Variants in ASB5 observed in about 807,000 individuals in gnomAD.
ASB5 encodes the protein ankyrin repeat and SOCS box containing 5, also known as ankyrin repeat and SOCS box protein 5.
A neutral mutation model predicts 42.1 loss-of-function variants in ASB5; 45 were observed. The observed-to-expected ratio is 1.07, with a 90% CI of 0.84 to 1.37. The LOEUF is 1.37. Among genes scored for constraint, ASB5 ranks in the 40% most tolerant of loss-of-function variants. The pLI, the probability that ASB5 is intolerant of heterozygous loss-of-function variation, is 0.00. For missense variants in ASB5, 402 were observed against 399.8 expected (o/e 1.01, Z -0.05); for synonymous variants, 147 against 150.6 (o/e 0.98, Z 0.18).
At position 176,215,445 on chromosome 4, in the gene ASB5, A is replaced by G. The variant is rs1752940071; in HGVS notation, c.*155T>C. The stretch of plus-strand genomic sequence containing the variant: ...GCATAAATGATAAAACAATAGTACT[A>G]ATACACTTAAAATGAAAATTGATAT... On this transcript the variant is annotated 3_prime_UTR_variant, in exon 7 of 7. Transcript: ENST00000296525. The G allele has an allele frequency of 3.0e-6, 2 of 677,868 alleles. No individual in the cohort carries two copies. The highest frequency in any genetic ancestry group is 4.8e-6 in the Non-Finnish European group (2 of 419,640). 42.0% of individuals were successfully genotyped at this position (677,868 alleles called of 1,614,324 possible). A position where few individuals can be genotyped will look rare whatever the true frequency, so the allele number is the denominator to read the frequency against.
chr4:176,229,040 A>C (rs1184202954), intron 1 of ASB5, among the ~76,000 whole-genome samples: 1 of 152,254 alleles, frequency 6.6e-6, no homozygotes, highest in East Asian at 1.9e-4. Flanking sequence ...CAGTTCAATC[A>C]GCAAAGCAAT....
At chr4:176,275,595 C>A (rs967605265) in intron 2 of ASB5, among the ~76,000 whole-genome samples, 1 of 152,210 alleles carries the variant, frequency 6.6e-6, no homozygotes, top group Non-Finnish European at 1.5e-5. Flanking sequence ...CAGCTCCCTA[C>A]GATCCCATAG....
intron 1 of ASB5, among the ~76,000 whole-genome samples, chr4:176,236,154 A>G (rs766398283): frequency 6.1e-5 from 9 of 148,288 alleles, no homozygotes; most frequent in Non-Finnish European, 1.4e-4. Flanking sequence ...ATCCAGGTGA[A>G]TTAGTTTACT....
intron 5 of ASB5, among the ~76,000 whole-genome samples, chr4:176,219,072 AAT>A (rs776300795): frequency 3.3e-5 from 2 of 60,292 alleles, no homozygotes; most frequent in African/African-American, 7.8e-5. Context: ...ATGATATATA[AAT>A]ATATATATAT....
At chr4:176,241,486 T>C (rs1753810983) in intron 1 of ASB5, 1 of 1,535,548 alleles carries the variant, frequency 6.5e-7, no homozygotes. Flanking sequence ...TTTCCACCAT[T>C]GCAAAGAGGC....
intron 1 of ASB5, among the ~76,000 whole-genome samples, chr4:176,230,252 C>T (rs2046263): frequency 6.6e-6 from 1 of 152,044 alleles, no homozygotes; most frequent in Admixed American, 6.5e-5. Context: ...AGGGAACAAT[C>T]TTTTCCCCCA....
intron 1 of ASB5, among the ~76,000 whole-genome samples, chr4:176,244,756 A>T (rs914871186): frequency 1.3e-5 from 2 of 152,164 alleles, no homozygotes; most frequent in Non-Finnish European, 2.9e-5. Flanking sequence ...TCTACAAAAA[A>T]ATAATTTAAA....
At position 176,225,249 on chromosome 4, in the gene ASB5, T is replaced by C; in HGVS notation, c.276+13A>G. ...GAAAGGGGGTATATTTTAAACTATATGTAATATATTACCTGTGATAATAAT... is the reference window on the plus strand; with the variant it reads ...GAAAGGGGGTATATTTTAAACTATACGTAATATATTACCTGTGATAATAAT... On this transcript the variant is annotated intron_variant, in intron 2 of 6. Transcript: ENST00000296525. The C allele has an allele frequency of 6.3e-7, 1 of 1,598,028 alleles. No homozygotes were observed. The highest frequency in any genetic ancestry group is 8.6e-7 in the Non-Finnish European group (1 of 1,165,590).
chr4:176,218,725 TTTGTATGATATATAA>T (rs1753068456), intron 5 of ASB5, among the ~76,000 whole-genome samples: 7 of 30,432 alleles, frequency 2.3e-4, no homozygotes, highest in African/African-American at 8.6e-4. Context: ...GATATATACA[TTTGTATGATATATAA>T]ATATATATAT....
At chr4:176,243,576 C>T (rs958219427) in intron 1 of ASB5, among the ~76,000 whole-genome samples, 3 of 151,936 alleles carry the variant, frequency 2.0e-5, no homozygotes, top group African/African-American at 7.3e-5. Context: ...AATCTCGGCT[C>T]ACCGCAACCT....
upstream of ASB5, among the ~76,000 whole-genome samples, chr4:176,274,218 T>C (rs760757138): frequency 6.6e-6 from 1 of 152,186 alleles, no homozygotes; most frequent in Non-Finnish European, 1.5e-5. Context: ...GGTACCTTCA[T>C]TGGAGCACCT....
chr4:176,248,989 CAG>C (rs1291728413), intron 1 of ASB5, among the ~76,000 whole-genome samples: 1 of 152,148 alleles, frequency 6.6e-6, no homozygotes. Flanking sequence ...TTTTTTGAGA[CAG>C]AGTCTTGTTC....
In ASB5 at chr4:176,268,950, C is replaced by G; in HGVS notation, c.159G>C (p.Arg53Ser). The G allele has an allele frequency of 6.2e-7, 1 of 1,612,882 alleles. No homozygotes were observed. The highest frequency in any genetic ancestry group is 8.5e-7 in the Non-Finnish European group (1 of 1,179,408). ...IVKGNRKEAARIAAEFYGVTQ... is the reference protein window; with the variant it reads ...IVKGNRKEAASIAAEFYGVTQ... ...TTACTCCATAAAATTCAGCTGCTATCCTTGCCGCTTCCTTGCGGTTGCCTT... is the reference window on the plus strand; with the variant it reads ...TTACTCCATAAAATTCAGCTGCTATGCTTGCCGCTTCCTTGCGGTTGCCTT... The change falls in exon 1 of 7, where the codon AGG (arginine) becomes AGC (serine). Residue 53 changes from arginine to serine, a missense_variant. Physicochemically the swap from Arg to Ser is moderately radical, Grantham distance 110 (BLOSUM62 -1). Coordinates refer to ENST00000296525, the MANE Select transcript of ASB5 (RefSeq NM_080874.4).
chr4:176,219,512 TATATATTTGTATGATATATAA>T (rs1753124154), intron 5 of ASB5, among the ~76,000 whole-genome samples: 20 of 69,122 alleles, frequency 2.9e-4, no homozygotes, highest in Admixed American at 7.5e-4. Context: ...TATATAAATA[TATATATTTGTATGATATATAA>T]ATATATATAT....
In ASB5 at chr4:176,221,181, T is replaced by C. The variant is rs1239407786; in HGVS notation, c.644A>G (p.His215Arg). ...LYVACMSQQF[H>R]CIWKLLYAGA... is the part of the protein sequence containing the mutation. ...AGCATAAAGAAGCTTCCAGATGCAA[T>C]GGAATTGCTGTGACATACAAGCTAC... Residue 215 changes from histidine (H) to arginine (R), a missense_variant, in exon 5 of 7, where the codon CAT (histidine) becomes CGT (arginine). His to Arg is a conservative substitution (Grantham distance 29). Coordinates refer to ENST00000296525, the MANE Select transcript of ASB5 (RefSeq NM_080874.4). 1 of 1,613,672 alleles carries C rather than the reference T, an allele frequency of 6.2e-7. No individual in the cohort carries two copies. The highest frequency in any genetic ancestry group is 1.1e-5 in the South Asian group (1 of 90,930).
In ASB5 at chr4:176,221,197, T is replaced by C; in HGVS notation, c.628A>G (p.Met210Val). The change falls in exon 5 of 7, where the codon ATG becomes GTG. Residue 210 changes from methionine (M) to valine (V), a missense_variant. Physicochemically the swap from Met to Val is conservative, Grantham distance 21. Coordinates refer to ENST00000296525, the MANE Select transcript of ASB5 (RefSeq NM_080874.4). ...HLGTPLYVAC[M>V]SQQFHCIWKL... Reference sequence around the variant, plus strand: ...CAGATGCAATGGAATTGCTGTGACATACAAGCTACATAGAGAGGAGTTCCC... The same window carrying C: ...CAGATGCAATGGAATTGCTGTGACACACAAGCTACATAGAGAGGAGTTCCC... 1 of 1,614,120 alleles carries C rather than the reference T, an allele frequency of 6.2e-7. No individual in the cohort carries two copies. Among genetic ancestry groups the C allele is most frequent in the Non-Finnish European group, 8.5e-7 (1 of 1,180,002 alleles).
At chr4:176,242,460 T>C (rs562918886) in intron 1 of ASB5, among the ~76,000 whole-genome samples, 26 of 152,358 alleles carry the variant, frequency 1.7e-4, no homozygotes, top group Middle Eastern at 3.4e-3. Context: ...AAGTTCTCTC[T>C]TCTAAACTCA....
chr4:176,270,422 G>A (rs1307378821), upstream of ASB5, among the ~76,000 whole-genome samples: 6 of 152,118 alleles, frequency 3.9e-5, no homozygotes, highest in South Asian at 1.3e-3. Context: ...TTAACTGACT[G>A]GACAGATTTA....
intron 1 of ASB5, chr4:176,237,572 A>G: frequency 1.0e-6 from 1 of 985,522 alleles, no homozygotes; most frequent in East Asian, 1.1e-4. Context: ...TGTCTTCAAC[A>G]TTGAACTCTA....
Sources: allele counts gnomAD v4.1 joint callset (sites outside exome capture counted in the v4.1 genomes callset), GRCh38; gene constraint gnomAD v4.1.1; transcripts MANE v1.5; gene names NCBI Gene and HGNC (gene_info 2026-07-23, HGNC 2026-07-21).